Variants in RPSA2 observed in about 807,000 individuals in gnomAD.
RPSA2 encodes small ribosomal subunit protein uS2B.
the RPSA2 span, among the ~76,000 whole-genome samples, chr19:23,760,666 TA>T: frequency 9.8e-4 from 100 of 102,182 alleles, no homozygotes; most frequent in African/African-American, 2.9e-3. Context: ...TATATATATA[TA>T]TATTTTTTTT....
chr19:23,767,789 C>T, the RPSA2 span, among the ~76,000 whole-genome samples: 1 of 109,936 alleles, frequency 9.1e-6, no homozygotes, highest in East Asian at 2.8e-4. Flanking sequence ...TTTTTTGAGA[C>T]AGAGTCTAGC....
the RPSA2 span, chr19:23,818,369 T>C: frequency 6.6e-6 from 1 of 152,328 alleles, no homozygotes; most frequent in Non-Finnish European, 1.5e-5. Context: ...GAGACCATCC[T>C]TTCTAAGTCT....
the RPSA2 span, among the ~76,000 whole-genome samples, chr19:23,802,520 G>A: frequency 6.6e-6 from 1 of 152,216 alleles, no homozygotes; most frequent in Non-Finnish European, 1.5e-5. Flanking sequence ...GAACAATTGT[G>A]TCAGGCTGAC....
At chr19:23,763,553 C>A in the RPSA2 span, among the ~76,000 whole-genome samples, 1 of 152,198 alleles carries the variant, frequency 6.6e-6, no homozygotes, top group East Asian at 1.9e-4. Context: ...ACGGCAACCT[C>A]CGCCTCTCAG....
chr19:23,765,667 T>C, the RPSA2 span, among the ~76,000 whole-genome samples: 2 of 152,264 alleles, frequency 1.3e-5, no homozygotes, highest in South Asian at 2.1e-4. Context: ...AAATAACTTA[T>C]GGGTAGTAGG....
chr19:23,773,854 T>C, the RPSA2 span, among the ~76,000 whole-genome samples: 1 of 152,180 alleles, frequency 6.6e-6, no homozygotes, highest in African/African-American at 2.4e-5. Context: ...ATCGTTGAAA[T>C]TGTAACTCCT....
At chr19:23,805,355 G>A in the RPSA2 span, among the ~76,000 whole-genome samples, 104 of 151,980 alleles carry the variant, frequency 6.8e-4, no homozygotes, top group African/African-American at 2.4e-3. Context: ...GTAGAGATGG[G>A]GTTTCTTCAT....
the RPSA2 span, among the ~76,000 whole-genome samples, chr19:23,819,981 A>G: frequency 0.98 from 148,937 of 152,264 alleles, 72,934 homozygotes; most frequent in Middle Eastern, 1. Context: ...GTCGAAATCC[A>G]GGGATAATGT....
the RPSA2 span, among the ~76,000 whole-genome samples, chr19:23,833,925 G>A: frequency 6.6e-6 from 1 of 151,974 alleles, no homozygotes; most frequent in Non-Finnish European, 1.5e-5. Context: ...AGTTTATATT[G>A]AAGAAAACCC....
At chr19:23,782,992 C>T in the RPSA2 span, among the ~76,000 whole-genome samples, 1 of 152,140 alleles carries the variant, frequency 6.6e-6, no homozygotes, top group South Asian at 2.1e-4. Context: ...TTGGGGTGTG[C>T]TTAAGGGGAA....
the RPSA2 span, among the ~76,000 whole-genome samples, chr19:23,777,604 G>T: frequency 1.9e-5 from 2 of 104,402 alleles, no homozygotes; most frequent in African/African-American, 7.3e-5. Flanking sequence ...CTGTCTTCTG[G>T]TTTTATTACC....
the RPSA2 span, chr19:23,833,110 A>G: frequency 3.2e-6 from 4 of 1,245,070 alleles, no homozygotes; most frequent in Admixed American, 3.3e-5. Flanking sequence ...TACTAAACAT[A>G]AGGTAATTCT....
the RPSA2 span, among the ~76,000 whole-genome samples, chr19:23,760,665 ATATATTT>A: frequency 5.9e-5 from 6 of 101,774 alleles, no homozygotes; most frequent in African/African-American, 2.2e-4. Flanking sequence ...ATATATATAT[ATATATTT>A]TTTTTTTTTT....
chr19:23,818,889 G>C, the RPSA2 span: 1 of 152,712 alleles, frequency 6.5e-6, no homozygotes, highest in African/African-American at 2.4e-5. Flanking sequence ...GTGTGTACAA[G>C]TTCCTCAATG....
At chr19:23,772,042 T>C in the RPSA2 span, among the ~76,000 whole-genome samples, 10 of 152,002 alleles carry the variant, frequency 6.6e-5, no homozygotes, top group African/African-American at 2.4e-4. Flanking sequence ...CTGTAAAATA[T>C]TACTAGACCT....
chr19:23,830,688 A>G, the RPSA2 span, among the ~76,000 whole-genome samples: 2 of 151,804 alleles, frequency 1.3e-5, no homozygotes, highest in African/African-American at 2.4e-5. Flanking sequence ...CTGAATTTCC[A>G]TAGTTGTCTC....
the RPSA2 span, among the ~76,000 whole-genome samples, chr19:23,824,621 A>T: frequency 4.9e-5 from 4 of 81,142 alleles, no homozygotes; most frequent in African/African-American, 9.8e-5. Flanking sequence ...GAATGCTCTT[A>T]AACTCTTAGT....
the RPSA2 span, among the ~76,000 whole-genome samples, chr19:23,802,411 C>G: frequency 6.6e-6 from 1 of 152,172 alleles, no homozygotes; most frequent in African/African-American, 2.4e-5. Context: ...TAGAATCAGC[C>G]TGAGTCTCTC....
chr19:23,836,413 G>A, the RPSA2 span, among the ~76,000 whole-genome samples: 2 of 151,902 alleles, frequency 1.3e-5, no homozygotes, highest in South Asian at 2.1e-4. Flanking sequence ...TTATCCACTC[G>A]TTGATTGATG....
Sources: allele counts gnomAD v4.1 joint callset (sites outside exome capture counted in the v4.1 genomes callset), GRCh38; gene constraint gnomAD v4.1.1; transcripts MANE v1.5; gene names NCBI Gene and HGNC (gene_info 2026-07-23, HGNC 2026-07-21).